PDE4D: variants seen among roughly 807,000 people sequenced by gnomAD.
PDE4D encodes phosphodiesterase 4D, also known as 3',5'-cyclic-AMP phosphodiesterase 4D.
Under a neutral mutation model 87.4 loss-of-function variants are expected in PDE4D, and 24 were observed. That is an observed-to-expected ratio of 0.27 (90% CI 0.20 to 0.39). The LOEUF (loss-of-function observed/expected upper bound fraction) is 0.39, where lower values mean the gene tolerates loss of function less well. Among genes scored for constraint, PDE4D ranks in the 10% least tolerant of loss-of-function variants. PDE4D has a pLI of 1.00. For synonymous variants in PDE4D, 384 were observed against 383.2 expected (o/e 1.00, Z -0.02); for missense variants, 714 against 1,041.0 (o/e 0.69, Z 4.32).
intron 5 of PDE4D, among the ~76,000 whole-genome samples, chr5:59,078,877 C>T (rs1374016964): frequency 6.6e-6 from 1 of 152,136 alleles, no homozygotes; most frequent in Non-Finnish European, 1.5e-5. Context: ...AGGGTTAATC[C>T]TGTTATCACT....
chr5:59,257,119 A>AT (rs1761129205), intron 1 of PDE4D, among the ~76,000 whole-genome samples: 1 of 152,182 alleles, frequency 6.6e-6, no homozygotes, highest in East Asian at 1.9e-4. Context: ...TAAAAATCGT[A>AT]TTTAGTTACT....
intron 1 of PDE4D, among the ~76,000 whole-genome samples, chr5:60,201,668 A>G (rs1159677357): frequency 3.3e-5 from 5 of 152,158 alleles, no homozygotes; most frequent in Non-Finnish European, 7.4e-5. Flanking sequence ...TTTACCCCCA[A>G]TTGCAATTCC....
intron 1 of PDE4D, among the ~76,000 whole-genome samples, chr5:59,467,732 G>T (rs1348995242): frequency 6.6e-5 from 10 of 152,136 alleles, no homozygotes; most frequent in African/African-American, 2.2e-4. Flanking sequence ...TATTTCATAT[G>T]TACACAGGAA....
chr5:59,524,210 C>T (rs1812693832), intron 1 of PDE4D, among the ~76,000 whole-genome samples: 1 of 152,140 alleles, frequency 6.6e-6, no homozygotes, highest in Non-Finnish European at 1.5e-5. Context: ...TGTGCAACTT[C>T]CTAGAGACTT....
intron 1 of PDE4D, chr5:60,487,827 T>C (rs1749276389): frequency 6.6e-6 from 1 of 152,300 alleles, no homozygotes; most frequent in Non-Finnish European, 1.5e-5. Flanking sequence ...ACACATAGTA[T>C]AGCACCTTAA....
intron 1 of PDE4D, among the ~76,000 whole-genome samples, chr5:59,494,949 C>G (rs926349460): frequency 6.6e-6 from 1 of 152,138 alleles, no homozygotes; most frequent in Non-Finnish European, 1.5e-5. Flanking sequence ...TTAACACAGG[C>G]TCCTGTATTC....
chr5:59,227,794 G>C (rs950647497), intron 1 of PDE4D, among the ~76,000 whole-genome samples: 2 of 152,154 alleles, frequency 1.3e-5, no homozygotes, highest in East Asian at 3.9e-4. Flanking sequence ...TATACTACTG[G>C]TTAGAATGTA....
At chr5:59,424,458 A>C (rs1052048182) in intron 1 of PDE4D, among the ~76,000 whole-genome samples, 1 of 152,130 alleles carries the variant, frequency 6.6e-6, no homozygotes, top group Admixed American at 6.5e-5. Flanking sequence ...ATTTATATAG[A>C]AAGGATGGTT....
At chr5:60,192,097 AAT>A (rs1785242701) in intron 1 of PDE4D, among the ~76,000 whole-genome samples, 1 of 152,180 alleles carries the variant, frequency 6.6e-6, no homozygotes, top group Admixed American at 6.5e-5. Context: ...CCATTTACAA[AAT>A]ATGTTAAAAA....
intron 1 of PDE4D, among the ~76,000 whole-genome samples, chr5:60,428,428 G>A (rs1743908820): frequency 1.3e-5 from 2 of 152,082 alleles, no homozygotes; most frequent in Non-Finnish European, 2.9e-5. Context: ...TTGATACCTG[G>A]TGTTTAGTGG....
At chr5:60,160,914 C>A in intron 2 of PDE4D, 1 of 389,392 alleles carries the variant, frequency 2.6e-6, no homozygotes, top group South Asian at 1.9e-5. Flanking sequence ...TCTAGGAAAA[C>A]ATCTTAAATT....
In PDE4D at chr5:59,716,014, C is replaced by T. The variant is rs559589360; in HGVS notation, c.455+177154G>A. Among the ~76,000 whole-genome samples, 6 of 152,198 alleles carry T rather than the reference C, an allele frequency of 3.9e-5. No individual in the cohort carries two copies. The East Asian group carries it at 7.7e-4, about 20-fold the overall frequency. ...CCAGGGCCTTTGTCCCCAGAGTGTA[C>T]GTATAAGGCCTGTGTCTTAGACCTG... On this transcript the variant is annotated intron_variant, in intron 1 of 14. Transcript: ENST00000340635.
chr5:60,104,038 G>A lies in PDE4D; in HGVS notation c.42+81519C>T, dbSNP rs187036368. ...ACAGTGGGTGCAGCACACTGTGTGC[G>A]AGCCGAAGCAGGGCGAGGCATTGCC... On this transcript the variant is annotated intron_variant, in intron 2 of 16. Transcript: ENST00000502484. Among the ~76,000 whole-genome samples, 538 of 151,674 alleles carry A rather than the reference G, an allele frequency of 3.5e-3. 2 individuals carry two copies. The highest frequency in any genetic ancestry group is 6.3e-3 in the Non-Finnish European group (427 of 68,024).
intron 5 of PDE4D, among the ~76,000 whole-genome samples, chr5:59,057,145 C>T (rs1211154494): frequency 1.3e-5 from 2 of 152,198 alleles, no homozygotes; most frequent in Admixed American, 6.5e-5. Context: ...AGATCCAGCT[C>T]TGCCTCCCCC....
At chr5:59,202,091 T>C (rs1388305954) in intron 2 of PDE4D, among the ~76,000 whole-genome samples, 1 of 130,166 alleles carries the variant, frequency 7.7e-6, no homozygotes, top group African/African-American at 2.9e-5. Context: ...CAGGCTGGAA[T>C]GCAGTGGCTG....
rs73758834 is a variant in PDE4D at position 59,628,684 on chromosome 5, G to C, written c.455+264484C>G. ...GGCACCATGGACTTCAGACTAGTGT[G>C]GGGGATAGAAAAAGAATAAGAAAAT... On this transcript the variant is annotated intron_variant, in intron 1 of 14. Transcript: ENST00000340635. 4.1e-4 allele frequency among the ~76,000 whole-genome samples: 62 copies of C among 152,160 alleles called. 1 individual carries two copies. In the East Asian group the frequency reaches 0.011, roughly 26 times the overall value.
chr5:59,852,145 T>C (rs1022715037), intron 1 of PDE4D, among the ~76,000 whole-genome samples: 3 of 152,000 alleles, frequency 2.0e-5, no homozygotes, highest in African/African-American at 7.2e-5. Flanking sequence ...GTTTTGCATG[T>C]GAGATGGAAG....
chr5:59,138,744 AT>A (rs1777486285), intron 5 of PDE4D, among the ~76,000 whole-genome samples: 1 of 151,968 alleles, frequency 6.6e-6, no homozygotes, highest in Non-Finnish European at 1.5e-5. Flanking sequence ...TTTAACCAAT[AT>A]TTGCTAGGAA....
At chr5:59,189,161 T>C (rs1743620289) in intron 3 of PDE4D, among the ~76,000 whole-genome samples, 3 of 152,026 alleles carry the variant, frequency 2.0e-5, no homozygotes. Flanking sequence ...ACTGCATTTT[T>C]ATCCTAGAAG....
Sources: allele counts gnomAD v4.1 joint callset (sites outside exome capture counted in the v4.1 genomes callset), GRCh38; gene constraint gnomAD v4.1.1; transcripts MANE v1.5; gene names NCBI Gene and HGNC (gene_info 2026-07-23, HGNC 2026-07-21).